The following GGH variants were observed in gnomAD, a reference collection of about 807,000 sequenced individuals.
The protein encoded by GGH is gamma-glutamyl hydrolase.
A neutral mutation model predicts 39.2 loss-of-function variants in GGH; 18 were observed. The ratio of observed to expected loss-of-function variants is 0.46; its 90% CI spans 0.32 to 0.68. The LOEUF (loss-of-function observed/expected upper bound fraction) is 0.68. GGH is among the 30% of genes least tolerant of loss of function. The pLI is 0.04. For missense variants in GGH, 367 were observed against 384.1 expected (o/e 0.96, Z 0.37); for synonymous variants, 147 against 138.8 (o/e 1.06, Z -0.42).
chr8:63,025,570 T>C (rs1041423408), intron 5 of GGH, among the ~76,000 whole-genome samples: 6 of 151,996 alleles, frequency 3.9e-5, no homozygotes, highest in Admixed American at 3.9e-4. Flanking sequence ...TTGTCCCTAC[T>C]AAAAATACAA....
Position 63,027,183 on chromosome 8 carries a change from G to C in GGH, c.358C>G (p.Gln120Glu). Residue 120 changes from glutamine to glutamate, a missense_variant and splice_region_variant, in exon 4 of 9, where the codon CAG becomes GAG. By Grantham distance (29) the Gln-to-Glu change is conservative. Transcript: ENST00000260118. ...VAKIFYNLSI[Q>E]SFDDGDYFPV... ...AATAAGCAATAACTGATATTTACCT[G>C]TATGGACAAGTTATAAAATATTTTG... The C allele has an allele frequency of 7.3e-7, 1 of 1,371,566 alleles. No individual in the cohort carries two copies. The highest frequency in any genetic ancestry group is 1.0e-6 in the Non-Finnish European group (1 of 959,004). 85.0% of individuals were successfully genotyped at this position (1,371,566 alleles called of 1,614,324 possible). A position where few individuals can be genotyped will look rare whatever the true frequency, so the allele number is the denominator to read the frequency against.
chr8:63,024,999 T>A (rs1289253810), intron 5 of GGH: 1 of 152,252 alleles, frequency 6.6e-6, no homozygotes, highest in African/African-American at 2.4e-5. Context: ...TAAGTATGAC[T>A]GCTACCTTCC....
chr8:63,026,234 T>C lies in GGH; in HGVS notation c.423A>G (p.Ser141=). ...ATAAGCACTCTCCACTAATCAGCAGTGAAAGCTCTTCAAATCCAAGGCATG... is the reference window on the plus strand; with the variant it reads ...ATAAGCACTCTCCACTAATCAGCAGCGAAAGCTCTTCAAATCCAAGGCATG... ...WGTCLGFEEL[S]LLISGECLLT... The change falls in exon 5 of 9, where the codon TCA becomes TCG. Residue 141 remains serine (S), a synonymous_variant. Transcript: ENST00000260118. 1.2e-6 allele frequency: 2 copies of C among 1,610,668 alleles called. No individual in the cohort carries two copies. Among genetic ancestry groups the C allele is most frequent in the African/African-American group, 2.7e-5 (2 of 74,950 alleles).
chr8:63,025,060 A>T (rs1253030734), intron 5 of GGH: 2 of 152,242 alleles, frequency 1.3e-5, no homozygotes, highest in Non-Finnish European at 2.9e-5. Flanking sequence ...AATTCTAAGC[A>T]TTCGGAGATC....
chr8:63,023,866 T>A, intron 7 of GGH, 41 bp downstream of exon 7: 1 of 1,288,654 alleles, frequency 7.8e-7, no homozygotes, highest in Admixed American at 3.0e-5. Flanking sequence ...TTTAAAAATA[T>A]AAAATAAGTG....
intron 5 of GGH, 152 bp from the exon 6 acceptor site, chr8:63,024,338 C>T: frequency 1.9e-6 from 1 of 536,538 alleles, no homozygotes; most frequent in Non-Finnish European, 3.3e-6. Flanking sequence ...AGAAGTATTC[C>T]AATCAAGTCA....
chr8:63,038,518 G>T, intron 1 of GGH, 142 bp downstream of exon 1: 1 of 453,126 alleles, frequency 2.2e-6, no homozygotes, highest in Non-Finnish European at 3.9e-6. Flanking sequence ...TGCCCAGCCC[G>T]GGTTCCTCCT....
chr8:63,020,340 A>C (rs1042774440), intron 7 of GGH, among the ~76,000 whole-genome samples: 1 of 152,202 alleles, frequency 6.6e-6, no homozygotes, highest in Non-Finnish European at 1.5e-5. Context: ...ATGGAACCTG[A>C]TTTCCTAACT....
Position 63,027,187 on chromosome 8 carries a change from G to C in GGH, c.354C>G (p.Ser118=). ...AGCAATAACTGATATTTACCTGTAT[G>C]GACAAGTTATAAAATATTTTGGCCA... The part of the protein sequence containing the change: ...AKVAKIFYNL[S]IQSFDDGDYF... The change falls in exon 4 of 9, where the codon TCC becomes TCG. Residue 118 remains serine (S), a synonymous_variant. Coordinates refer to ENST00000260118, the MANE Select transcript of GGH (RefSeq NM_003878.3). 1 of 1,419,310 alleles carries C rather than the reference G, an allele frequency of 7.0e-7. No individual in the cohort carries two copies. Among genetic ancestry groups the C allele is most frequent in the East Asian group, 2.3e-5 (1 of 43,998 alleles). The allele number at this position is 1,419,310 out of a possible 1,614,324, so 87.9% of individuals were successfully genotyped here.
chr8:63,018,905 A>G (rs1804536825), intron 7 of GGH, among the ~76,000 whole-genome samples: 1 of 152,246 alleles, frequency 6.6e-6, no homozygotes, highest in African/African-American at 2.4e-5. Context: ...CAAGGATTTC[A>G]CCATTTTTTT....
At chr8:63,033,983 T>TTATATATATATA (rs10671033) in intron 2 of GGH, among the ~76,000 whole-genome samples, 1 of 143,240 alleles carries the variant, frequency 7.0e-6, no homozygotes, top group South Asian at 2.2e-4. Context: ...TTGTCTCTCC[T>TTATATATATATA]TATATATATA....
intron 3 of GGH, 92 bp from the exon 4 acceptor site, chr8:63,027,357 T>G (rs1165675063): frequency 1.5e-6 from 1 of 653,444 alleles, no homozygotes; most frequent in African/African-American, 1.9e-5. Context: ...TTAAAACAAT[T>G]TTTCTTATTA....
At chr8:63,018,377 C>A (rs905790476) in intron 7 of GGH, among the ~76,000 whole-genome samples, 9 of 151,408 alleles carry the variant, frequency 5.9e-5, no homozygotes, top group Admixed American at 5.9e-4. Context: ...TTAAAAAAAA[C>A]AAATCTCCCC....
intron 3 of GGH, chr8:63,028,001 A>G (rs1171018531): frequency 6.6e-6 from 1 of 152,198 alleles, no homozygotes; most frequent in African/African-American, 2.4e-5. Context: ...AGGATATTCA[A>G]AAGAGGTAAG....
chr8:63,034,445 T>C lies in GGH; in HGVS notation c.224+1211A>G, dbSNP rs530875715. On this transcript the variant is annotated intron_variant, in intron 2 of 8. Coordinates refer to ENST00000260118, the MANE Select transcript of GGH (RefSeq NM_003878.3). ...TTTTGTTATAATTTTTGATGAGGAA[T>C]TGTTTGCAAAAACAGGCTGTACAGA... 4.5e-4 allele frequency among the ~76,000 whole-genome samples: 69 copies of C among 152,274 alleles called. 2 individuals carry two copies. The South Asian group carries it at 0.014, about 31-fold the overall frequency.
chr8:63,036,206 T>G (rs1804905179), intron 1 of GGH, among the ~76,000 whole-genome samples: 1 of 152,218 alleles, frequency 6.6e-6, no homozygotes, highest in Non-Finnish European at 1.5e-5. Context: ...GCTATCAATA[T>G]CTACCCTCTC....
intron 2 of GGH, among the ~76,000 whole-genome samples, chr8:63,030,746 G>A (rs1804787928): frequency 6.6e-6 from 1 of 152,046 alleles, no homozygotes; most frequent in African/African-American, 2.4e-5. Flanking sequence ...TTCACATCTA[G>A]TCTGAACTGA....
intron 4 of GGH, chr8:63,026,887 AT>A: frequency 3.2e-6 from 1 of 314,470 alleles, no homozygotes; most frequent in Non-Finnish European, 5.7e-6. Flanking sequence ...TAAAAAAAAA[AT>A]AGGACAGAGA....
At chr8:63,038,555 G>A (rs567771154) in intron 1 of GGH, 105 bp downstream of exon 1, 42 of 553,194 alleles carry the variant, frequency 7.6e-5, no homozygotes, top group African/African-American at 7.5e-4. Context: ...CACATCTGGG[G>A]GTTTTTCCCG....
Sources: gnomAD v4.1 joint callset for allele counts (sites outside exome capture counted in the v4.1 genomes callset) on GRCh38, gnomAD v4.1.1 for gene constraint, MANE v1.5 for transcripts, NCBI Gene and HGNC (gene_info 2026-07-23, HGNC 2026-07-21) for gene names.